Variants in RIDA observed in about 807,000 individuals in gnomAD.
The protein encoded by RIDA is 2-iminobutanoate/2-iminopropanoate deaminase.
In RIDA, 17 loss-of-function variants were observed where a neutral mutation model predicts 17.8. The observed-to-expected ratio is 0.96, with a 90% CI of 0.65 to 1.43. RIDA has a LOEUF of 1.43. RIDA is among the 40% of genes most tolerant of loss of function. The pLI, the probability that RIDA is intolerant of heterozygous loss-of-function variation, is 0.00. For synonymous variants in RIDA, 48 were observed against 55.7 expected (o/e 0.86, Z 0.62); for missense variants, 158 against 161.7 (o/e 0.98, Z 0.12).
intron 1 of RIDA, among the ~76,000 whole-genome samples, chr8:98,115,686 C>T (rs373258717): frequency 3.3e-5 from 5 of 151,940 alleles, no homozygotes; most frequent in African/African-American, 7.3e-5. Context: ...CCACAGTACC[C>T]GGCTAAAGAA....
intron 5 of RIDA, among the ~76,000 whole-genome samples, chr8:98,103,374 T>C (rs946043134): frequency 2.6e-5 from 4 of 152,218 alleles, no homozygotes; most frequent in Non-Finnish European, 4.4e-5. Flanking sequence ...TAGTAGAAAC[T>C]GCAAGTGGAA....
intron 5 of RIDA, among the ~76,000 whole-genome samples, chr8:98,103,149 C>T (rs1815583569): frequency 6.6e-6 from 1 of 152,048 alleles, no homozygotes. Context: ...CGTATTTTCC[C>T]CTCAATTCAC....
chr8:98,108,307 A>ATTT (rs200075722), intron 2 of RIDA, among the ~76,000 whole-genome samples: 1 of 145,320 alleles, frequency 6.9e-6, no homozygotes, highest in Non-Finnish European at 1.5e-5. Flanking sequence ...TGTGGTGGTA[A>ATTT]TTTTTTTTTT....
chr8:98,104,305 T>G (rs904871765), intron 5 of RIDA, among the ~76,000 whole-genome samples, 184 bp downstream of exon 5: 2 of 152,150 alleles, frequency 1.3e-5, no homozygotes, highest in African/African-American at 4.8e-5. Flanking sequence ...CAGGCTGGTC[T>G]AGAACTCCTG....
At chr8:98,106,209 A>G in intron 3 of RIDA, 63 bp downstream of exon 3, 1 of 1,489,670 alleles carries the variant, frequency 6.7e-7, no homozygotes, top group South Asian at 1.1e-5. Flanking sequence ...TGGATGCCAT[A>G]TATTTTTCAA....
At chr8:98,113,526 C>T (rs1305308273) in intron 1 of RIDA, 1 of 150,100 alleles carries the variant, frequency 6.7e-6, no homozygotes, top group African/African-American at 2.5e-5. Context: ...CTGGAAGTCT[C>T]CACACCATGA....
Position 98,102,821 on chromosome 8 carries a change from A to G in RIDA, c.*21T>C. 6.5e-7 allele frequency: 1 copy of G among 1,533,212 alleles called. No individual in the cohort carries two copies. Among genetic ancestry groups the G allele is most frequent in the Non-Finnish European group, 8.9e-7 (1 of 1,126,374 alleles). The allele number at this position is 1,533,212 out of a possible 1,614,324, so 95.0% of individuals were successfully genotyped here. A position where few individuals can be genotyped will look rare whatever the true frequency, so the allele number is the denominator to read the frequency against. ...AAAATTAAAATGTTAACAATTCCAG[A>G]CTACACAGCACTGGGCCCACTTATA... On this transcript the variant is annotated 3_prime_UTR_variant, in exon 6 of 6. Coordinates refer to ENST00000254878, the MANE Select transcript of RIDA (RefSeq NM_005836.3).
At position 98,106,314 on chromosome 8, in the gene RIDA, T is replaced by A; in HGVS notation, c.184A>T (p.Met62Leu). 1 of 1,613,880 alleles carries A rather than the reference T, an allele frequency of 6.2e-7. No homozygotes were observed. The highest frequency in any genetic ancestry group is 1.3e-5 in the African/African-American group (1 of 75,050). Residue 62 changes from methionine (M) to leucine (L), a missense_variant, in exon 3 of 6, where the codon ATG becomes TTG. Transcript: ENST00000254878. ...CCTGCAGCTTTCAGAATTTCACCCATGTTTTTAAGAGCCTGTGAACCAAGC... is the reference window on the plus strand; with the variant it reads ...CCTGCAGCTTTCAGAATTTCACCCAAGTTTTTAAGAGCCTGTGAACCAAGC... Reference protein sequence around the residue: ...AEEAKQALKNMGEILKAAGCD... With the variant: ...AEEAKQALKNLGEILKAAGCD...
intron 4 of RIDA, 110 bp from the exon 5 acceptor site, chr8:98,104,654 C>T: frequency 4.5e-6 from 3 of 668,230 alleles, no homozygotes; most frequent in Middle Eastern, 4.1e-4. Flanking sequence ...TCAATATCTA[C>T]AATTAATAAT....
intron 1 of RIDA, among the ~76,000 whole-genome samples, chr8:98,114,628 C>T (rs1815776472): frequency 6.6e-6 from 1 of 152,154 alleles, no homozygotes; most frequent in Admixed American, 6.5e-5. Flanking sequence ...ACCACTGTGC[C>T]TGGCCAAAAT....
At chr8:98,114,637 A>G (rs1815776546) in intron 1 of RIDA, among the ~76,000 whole-genome samples, 1 of 152,102 alleles carries the variant, frequency 6.6e-6, no homozygotes, top group Admixed American at 6.5e-5. Context: ...CCTGGCCAAA[A>G]TCTAATTTTT....
At chr8:98,109,109 G>C (rs1386163149) in intron 1 of RIDA, among the ~76,000 whole-genome samples, 2 of 152,094 alleles carry the variant, frequency 1.3e-5, no homozygotes, top group Non-Finnish European at 2.9e-5. Context: ...TGATTGAATT[G>C]CTTGAGCCCA....
At chr8:98,106,760 G>A (rs1332035900) in intron 2 of RIDA, 1 of 153,680 alleles carries the variant, frequency 6.5e-6, no homozygotes, top group Non-Finnish European at 1.4e-5. Flanking sequence ...ATAACAGTTG[G>A]AGACACTGGC....
chr8:98,107,907 C>T (rs1815655755), intron 2 of RIDA, among the ~76,000 whole-genome samples: 1 of 152,124 alleles, frequency 6.6e-6, no homozygotes, highest in Non-Finnish European at 1.5e-5. Context: ...GTAGCTGGGA[C>T]TACAGGCACA....
At chr8:98,112,753 C>T (rs116157001) in intron 1 of RIDA, among the ~76,000 whole-genome samples, 2,066 of 152,162 alleles carry the variant, frequency 0.014, 41 homozygotes, top group African/African-American at 0.048. Context: ...AGAATTAGGC[C>T]GTCTGCCCTA....
chr8:98,104,605 G>T, intron 4 of RIDA, 61 bp from the exon 5 acceptor site: 1 of 982,860 alleles, frequency 1.0e-6, no homozygotes, highest in Non-Finnish European at 1.6e-6. Flanking sequence ...AAGATCAAGT[G>T]AAAATTTTTA....
At chr8:98,106,591 C>T in intron 2 of RIDA, 1 of 359,650 alleles carries the variant, frequency 2.8e-6, no homozygotes, top group Non-Finnish European at 5.1e-6. Flanking sequence ...AATTGTTCAG[C>T]CAATGTCCAC....
chr8:98,108,889 A>C, intron 1 of RIDA, 138 bp from the exon 2 acceptor site: 1 of 580,348 alleles, frequency 1.7e-6, no homozygotes, highest in South Asian at 2.2e-5. Flanking sequence ...TGAAAATTGA[A>C]AACTTTTGTT....
At chr8:98,108,013 G>A (rs1162178171) in intron 2 of RIDA, among the ~76,000 whole-genome samples, 4 of 150,594 alleles carry the variant, frequency 2.7e-5, no homozygotes, top group Non-Finnish European at 4.4e-5. Flanking sequence ...CAGGTGATCT[G>A]CCCGCCTCGG....
Sources: gnomAD v4.1 joint callset for allele counts (sites outside exome capture counted in the v4.1 genomes callset) on GRCh38, gnomAD v4.1.1 for gene constraint, MANE v1.5 for transcripts, NCBI Gene and HGNC (gene_info 2026-07-23, HGNC 2026-07-21) for gene names.